The following PLCB2 variants were observed in gnomAD, a reference collection of about 807,000 sequenced individuals.
The protein encoded by PLCB2 is phospholipase C beta 2.
A neutral mutation model predicts 141.7 loss-of-function variants in PLCB2; 115 were observed. The ratio of observed to expected loss-of-function variants is 0.81; its 90% confidence interval spans 0.70 to 0.95. The LOEUF is 0.95. Ranked by LOEUF, PLCB2 falls within the 40% of genes least tolerant of loss-of-function variation. PLCB2 has a pLI of 0.00. For synonymous variants in PLCB2, 603 were observed against 595.6 expected (o/e 1.01, Z -0.18); for missense variants, 1,403 against 1,541.1 (o/e 0.91, Z 1.50).
chr15:40,290,632 GTC>G lies in PLCB2; in HGVS notation c.3152_3153del (p.Arg1051ThrfsTer25). On this transcript the variant is annotated frameshift_variant, in exon 29 of 32. Coordinates refer to ENST00000260402, the MANE Select transcript of PLCB2 (RefSeq NM_004573.3). LOFTEE classifies it high-confidence loss of function. ...TTGGTCATGCCCTGGATCCGCTCCA[GTC>G]TCTTTGTCTCCAGCTTTTTCTTCAT... Reference protein sequence around the residue: ...KEMKKKLETKRLERIQGMTKV... With the variant: ...KEMKKKLETKXLERIQGMTKV... 6.2e-7 allele frequency: 1 copy of G among 1,614,148 alleles called. No individual in the cohort carries two copies. The highest frequency in any genetic ancestry group is 2.2e-5 in the East Asian group (1 of 44,862).
Position 40,288,931 on chromosome 15 carries a change from C to G in PLCB2, c.3355-13G>C, listed in dbSNP as rs764491072. The G allele has an allele frequency of 3.1e-6, 5 of 1,611,038 alleles. No homozygotes were observed. Among genetic ancestry groups the G allele is most frequent in the African/African-American group, 1.3e-5 (1 of 74,882 alleles). ...CCTCCTTCTGGAACTGTGGAGACAG[C>G]AAGGACCCCTGCCTGGCTCAGGAGG... is the stretch of plus-strand genomic sequence containing the variant. On this transcript the variant is annotated splice_polypyrimidine_tract_variant and intron_variant, in intron 31 of 31. Transcript: ENST00000260402.
In PLCB2 at chr15:40,302,584, T is replaced by C; in HGVS notation, c.257A>G (p.Asn86Ser). The C allele has an allele frequency of 6.2e-7, 1 of 1,614,222 alleles. No homozygotes were observed. Among genetic ancestry groups the C allele is most frequent in the African/African-American group, 1.3e-5 (1 of 75,068 alleles). The stretch of plus-strand genomic sequence containing the variant: ...GAAACTGTTATCAGGAAAGTCCATG[T>C]TGAAGACGTCCCGGAGCTTCTGGCT... Reference protein sequence around the residue: ...PKSQKLRDVFNMDFPDNSFLL... With the variant: ...PKSQKLRDVFSMDFPDNSFLL... The change falls in exon 4 of 32, where the codon AAC (asparagine) becomes AGC (serine). Residue 86 changes from asparagine to serine, a missense_variant. Coordinates refer to ENST00000260402, the MANE Select transcript of PLCB2 (RefSeq NM_004573.3).
At chr15:40,302,395 C>A (rs2040563913) in intron 4 of PLCB2, 46 bp from the exon 5 acceptor site, 1 of 1,612,336 alleles carries the variant, frequency 6.2e-7, no homozygotes, top group Non-Finnish European at 8.5e-7. Context: ...AGCACCCCCG[C>A]CCAGGCCTGT....
intron 20 of PLCB2, 30 bp downstream of exon 20, chr15:40,293,530 G>C: frequency 6.2e-7 from 1 of 1,607,594 alleles, no homozygotes; most frequent in East Asian, 2.2e-5. Flanking sequence ...GAACTAGACA[G>C]ACTCTGCCCT....
intron 5 of PLCB2, 25 bp from the exon 6 acceptor site, chr15:40,302,214 AGGCCCAG>A (rs750193515): frequency 1.2e-6 from 2 of 1,613,798 alleles, no homozygotes; most frequent in Non-Finnish European, 1.7e-6. Flanking sequence ...CAGCCCGTCA[AGGCCCAG>A]GGCTGGCATG....
chr15:40,296,369 CG>C lies in PLCB2; in HGVS notation c.1622del (p.Thr541ArgfsTer9), dbSNP rs765075230. On this transcript the variant is annotated frameshift_variant, in exon 16 of 32. Transcript: ENST00000260402. LOFTEE classifies it high-confidence loss of function. ...SDEGTAGLEV[T>X]AYEEMSSLVN... Reference sequence around the variant, plus strand: ...CTAGGCTGGACATCTCCTCATAAGCCGTCACTTCCAGGCCCGCTGTGCCCTA... The same window carrying C: ...CTAGGCTGGACATCTCCTCATAAGCCTCACTTCCAGGCCCGCTGTGCCCTA... 1 of 1,613,714 alleles carries C rather than the reference CG, an allele frequency of 6.2e-7. No homozygotes were observed. Among genetic ancestry groups the C allele is most frequent in the African/African-American group, 1.3e-5 (1 of 75,006 alleles).
chr15:40,287,886 A>C, downstream of PLCB2: 1 of 976,024 alleles, frequency 1.0e-6, no homozygotes, highest in Non-Finnish European at 1.2e-6. Context: ...CCTGTAGAAT[A>C]GAGACCAGGC....
At position 40,302,360 on chromosome 15, in the gene PLCB2, A is replaced by G. The variant is rs2040560814; in HGVS notation, c.373-11T>C. 6.2e-7 allele frequency: 1 copy of G among 1,613,654 alleles called. No homozygotes were observed. The highest frequency in any genetic ancestry group is 1.1e-5 in the South Asian group (1 of 91,046). ...GTCCTCAGCCCAGGCCTGCAGGACC[A>G]CAGAGAGCAGCGGTCAGGCTCCTGA... On this transcript the variant is annotated splice_polypyrimidine_tract_variant and intron_variant, in intron 4 of 31. Transcript: ENST00000260402.
At position 40,291,153 on chromosome 15, in the gene PLCB2, G is replaced by A; in HGVS notation, c.2901C>T (p.Ala967=). Residue 967 remains alanine, a synonymous_variant, in exon 27 of 32, where the codon GCC becomes GCT. Transcript: ENST00000260402. Reference sequence around the variant, plus strand: ...CGCCCTCAGGGCCCTCGCCCGGCGCGGCTCCGGCGCTCTCCTCGCGGGGCA... The same window carrying A: ...CGCCCTCAGGGCCCTCGCCCGGCGCAGCTCCGGCGCTCTCCTCGCGGGGCA... ...RSLPREESAG[A]APGEGPEGVD... 1.3e-6 allele frequency: 2 copies of A among 1,571,118 alleles called. No individual in the cohort carries two copies. Among genetic ancestry groups the A allele is most frequent in the Non-Finnish European group, 1.7e-6 (2 of 1,166,242 alleles).
In PLCB2 at chr15:40,297,745, A is replaced by T; in HGVS notation, c.1238+132T>A. On this transcript the variant is annotated intron_variant, in intron 12 of 31. Coordinates refer to ENST00000260402, the MANE Select transcript of PLCB2 (RefSeq NM_004573.3). The surrounding 1 kb of genome is among the most constrained non-coding windows in gnomAD (Gnocchi z 4.2). ...CTCGAGCAGGAGAACATGAGGCCTT[A>T]GGGTGATTATACTGAGACGTGGGAG... 1.1e-6 allele frequency: 1 copy of T among 943,122 alleles called. No homozygotes were observed. Among genetic ancestry groups the T allele is most frequent in the South Asian group, 1.5e-5 (1 of 68,510 alleles). 58.4% of individuals were successfully genotyped at this position (943,122 alleles called of 1,614,324 possible).
chr15:40,303,153 G>A (rs1026341941), intron 3 of PLCB2, 135 bp downstream of exon 3: 15 of 705,094 alleles, frequency 2.1e-5, no homozygotes, highest in African/African-American at 1.2e-4. Flanking sequence ...TTCCAGCCAC[G>A]GTCCTTGCTG....
intron 19 of PLCB2, among the ~76,000 whole-genome samples, chr15:40,294,028 C>G (rs745729223): frequency 6.6e-6 from 1 of 152,216 alleles, no homozygotes; most frequent in Non-Finnish European, 1.5e-5. Context: ...CCCACTCTTC[C>G]TCCCCTCCCC....
In PLCB2 at chr15:40,296,514, C is replaced by T; in HGVS notation, c.1599+8G>A. ...GACACAGAGGGGCCTGGGGCTACCCCCACACACCTCATCCGACTGCATCTT... is the reference window on the plus strand; with the variant it reads ...GACACAGAGGGGCCTGGGGCTACCCTCACACACCTCATCCGACTGCATCTT... On this transcript the variant is annotated splice_region_variant and intron_variant, in intron 15 of 31. Transcript: ENST00000260402. 6.2e-7 allele frequency: 1 copy of T among 1,613,972 alleles called. No homozygotes were observed. Among genetic ancestry groups the T allele is most frequent in the Admixed American group, 1.7e-5 (1 of 60,022 alleles).
chr15:40,291,070 C>T lies in PLCB2; in HGVS notation c.2984G>A (p.Gly995Asp). The change falls in exon 27 of 32, where the codon GGC (glycine) becomes GAC (aspartate). Residue 995 changes from glycine (G) to aspartate (D), a missense_variant. Physicochemically the swap from Gly to Asp is moderately conservative, Grantham distance 94 (BLOSUM62 -1). This residue lies in a region of PLCB2 where 290 missense variants were observed against 245.9 expected (regional missense o/e 1.18). Coordinates refer to ENST00000260402, the MANE Select transcript of PLCB2 (RefSeq NM_004573.3). ...DRLELELLRQ[G>D]EEQYECVLKR... ...CAGAACGCACTCGTACTGCTCCTCG[C>T]CCTGCCGCAGCAGCTCCAGCTCCAG... 1 of 1,591,354 alleles carries T rather than the reference C, an allele frequency of 6.3e-7. No individual in the cohort carries two copies.
At chr15:40,302,787 G>A (rs998629049) in intron 3 of PLCB2, among the ~76,000 whole-genome samples, 178 bp from the exon 4 acceptor site, 1 of 152,226 alleles carries the variant, frequency 6.6e-6, no homozygotes, top group Non-Finnish European at 1.5e-5. Flanking sequence ...GCTGGGATGG[G>A]AAGGAGAGGC....
rs773601645 is a variant in PLCB2, at chr15:40,290,532, T to G, written c.3209+45A>C. 6 of 1,390,248 alleles carry G rather than the reference T, an allele frequency of 4.3e-6. No homozygotes were observed. The East Asian group carries it at 1.4e-4, about 32-fold the overall frequency. The allele number at this position is 1,390,248 out of a possible 1,614,324, so 86.1% of individuals were successfully genotyped here. ...ATTTGTAGAGAGGCCCCTTTCCACC[T>G]GAAGTGGGGTCTGCCCAGCCCTGGG... On this transcript the variant is annotated intron_variant, in intron 29 of 31. Transcript: ENST00000260402.
Position 40,307,895 on chromosome 15 carries a change from A to G in PLCB2, c.-223T>C. On this transcript the variant is annotated 5_prime_UTR_variant, in exon 1 of 32. Transcript: ENST00000260402. Reference sequence around the variant, plus strand: ...CTGCCTTGTAAATCACCCTCCTCCCACCCGCCCTGCCTGCCATGGGGGCCT... The same window carrying G: ...CTGCCTTGTAAATCACCCTCCTCCCGCCCGCCCTGCCTGCCATGGGGGCCT... 1 of 335,714 alleles carries G rather than the reference A, an allele frequency of 3.0e-6. No homozygotes were observed. The highest frequency in any genetic ancestry group is 1.3e-4 in the South Asian group (1 of 7,728). 20.8% of individuals were successfully genotyped at this position (335,714 alleles called of 1,614,324 possible).
chr15:40,284,836 C>CAAAAAAAAAAAAA (rs56397946), downstream of PLCB2, among the ~76,000 whole-genome samples: 21 of 74,880 alleles, frequency 2.8e-4, no homozygotes, highest in African/African-American at 1.4e-3. Context: ...GAGACTCCGT[C>CAAAAAAAAAAAAA]AAAAAAAAAA....
At chr15:40,302,918 C>T (rs762218124) in intron 3 of PLCB2, among the ~76,000 whole-genome samples, 3 of 152,214 alleles carry the variant, frequency 2.0e-5, no homozygotes, top group African/African-American at 2.4e-5. Context: ...CAGGAAACCC[C>T]GCTTCCCACC....
Sources: gnomAD v4.1 joint callset for allele counts (sites outside exome capture counted in the v4.1 genomes callset) on GRCh38, gnomAD v4.1.1 for gene constraint, gnomAD v4.1.1 regional missense constraint, Gnocchi (gnomAD v3.1) non-coding constraint, MANE v1.5 for transcripts, NCBI Gene and HGNC (gene_info 2026-07-23, HGNC 2026-07-21) for gene names.